Variants in CLNK observed in about 807,000 individuals in gnomAD.
CLNK encodes cytokine-dependent hematopoietic cell linker.
In CLNK, 74 loss-of-function variants were observed where a neutral mutation model predicts 68.6. The observed-to-expected ratio is 1.08, with a 90% CI of 0.89 to 1.31. The LOEUF (loss-of-function observed/expected upper bound fraction) is 1.31, where lower values mean the gene tolerates loss of function less well. Ranked by LOEUF, CLNK falls within the 50% of genes most tolerant of loss-of-function variation. The probability of loss-of-function intolerance (pLI) is 0.00; values close to 1 mark genes in which losing one functional copy is unlikely to be tolerated. For synonymous variants in CLNK, 198 were observed against 172.2 expected (o/e 1.15, Z -1.17); for missense variants, 553 against 515.3 (o/e 1.07, Z -0.71).
At chr4:10,533,562 T>G (rs1259625749) in intron 11 of CLNK, among the ~76,000 whole-genome samples, 1 of 152,220 alleles carries the variant, frequency 6.6e-6, no homozygotes, top group African/African-American at 2.4e-5. Flanking sequence ...AACAGGCAAC[T>G]GTACCAAGGT....
the CLNK span, among the ~76,000 whole-genome samples, chr4:10,711,992 G>A: frequency 7.2e-5 from 11 of 152,120 alleles, no homozygotes; most frequent in East Asian, 1.3e-3. Flanking sequence ...TGGATATCGC[G>A]TTTCAAAGGA....
At chr4:10,492,348 C>G (rs1019138642) in intron 18 of CLNK, among the ~76,000 whole-genome samples, 2 of 152,150 alleles carry the variant, frequency 1.3e-5, no homozygotes, top group African/African-American at 4.8e-5. Context: ...TACTCTGCCT[C>G]TGATTTGGTT....
At chr4:10,493,627 C>G (rs1716685643) in intron 18 of CLNK, among the ~76,000 whole-genome samples, 1 of 152,170 alleles carries the variant, frequency 6.6e-6, no homozygotes, top group Non-Finnish European at 1.5e-5. Flanking sequence ...TGGAGGAATA[C>G]AAACATTCAG....
chr4:10,621,361 T>C (rs141704638), intron 2 of CLNK, among the ~76,000 whole-genome samples: 9 of 152,322 alleles, frequency 5.9e-5, no homozygotes, highest in African/African-American at 2.2e-4. Flanking sequence ...GGAAGATAGC[T>C]GACATGTATT....
chr4:10,557,901 C>T (rs533345914), intron 8 of CLNK, among the ~76,000 whole-genome samples: 2 of 152,166 alleles, frequency 1.3e-5, no homozygotes, highest in South Asian at 4.1e-4. Context: ...ATAATGGATA[C>T]AATACCATTA....
chr4:10,654,681 A>G (rs145425409), intron 2 of CLNK, among the ~76,000 whole-genome samples: 4 of 152,210 alleles, frequency 2.6e-5, no homozygotes, highest in African/African-American at 4.8e-5. Context: ...GATTATTCGA[A>G]TTGATAAAAC....
chr4:10,552,464 G>C (rs563652197), intron 8 of CLNK, among the ~76,000 whole-genome samples: 23 of 152,034 alleles, frequency 1.5e-4, no homozygotes, highest in South Asian at 6.2e-4. Context: ...ATTGTAGATC[G>C]GCCTTTGGAG....
intron 2 of CLNK, among the ~76,000 whole-genome samples, chr4:10,645,932 A>G (rs754852841): frequency 2.6e-5 from 4 of 152,172 alleles, no homozygotes; most frequent in Non-Finnish European, 5.9e-5. Flanking sequence ...CTATTTATGT[A>G]TCCAAGTAGA....
At position 10,667,390 on chromosome 4, in the gene CLNK, A is replaced by C. The variant is rs1472504567; in HGVS notation, c.11+469T>G. Among the ~76,000 whole-genome samples, 3 of 54,704 alleles carry C rather than the reference A, an allele frequency of 5.5e-5. No individual in the cohort carries two copies. In the Admixed American group the frequency reaches 5.9e-4, roughly 11 times the overall value. 35.9% of individuals were successfully genotyped at this position (54,704 alleles called of 152,430 possible). Reference sequence around the variant, plus strand: ...TCCTGCTAATTTTTTTTTTTTTTTTACTATACTATAGACATCAGGGATGGC... The same window carrying C: ...TCCTGCTAATTTTTTTTTTTTTTTTCCTATACTATAGACATCAGGGATGGC... On this transcript the variant is annotated intron_variant, in intron 2 of 18. Coordinates refer to ENST00000226951, the MANE Select transcript of CLNK (RefSeq NM_052964.4).
At chr4:10,644,799 T>G (rs927082372) in intron 2 of CLNK, among the ~76,000 whole-genome samples, 3 of 152,238 alleles carry the variant, frequency 2.0e-5, no homozygotes, top group Non-Finnish European at 4.4e-5. Context: ...TTGAGTGAAG[T>G]CAGTTTTTCT....
intron 1 of CLNK, among the ~76,000 whole-genome samples, chr4:10,682,072 T>C (rs960526217): frequency 1.3e-5 from 2 of 151,806 alleles, no homozygotes; most frequent in Non-Finnish European, 2.9e-5. Flanking sequence ...AAAAAATAAA[T>C]AATAAACACA....
chr4:10,670,559 A>G (rs555603724), intron 1 of CLNK, among the ~76,000 whole-genome samples: 4 of 152,368 alleles, frequency 2.6e-5, no homozygotes, highest in Non-Finnish European at 4.4e-5. Context: ...AAGGTGGCCA[A>G]TGAAGCTGCT....
At chr4:10,691,148 T>C in the CLNK span, among the ~76,000 whole-genome samples, 1 of 152,184 alleles carries the variant, frequency 6.6e-6, no homozygotes, top group East Asian at 1.9e-4. Context: ...AGAATTAGCT[T>C]TGGGGGTCTA....
chr4:10,503,642 C>T (rs927333458), intron 17 of CLNK, among the ~76,000 whole-genome samples: 15 of 148,578 alleles, frequency 1.0e-4, no homozygotes, highest in Admixed American at 2.0e-4. Context: ...TATAATATAA[C>T]ATAACAATAC....
intron 3 of CLNK, among the ~76,000 whole-genome samples, chr4:10,592,238 C>T (rs1316529251): frequency 2.0e-5 from 3 of 152,126 alleles, no homozygotes; most frequent in Non-Finnish European, 4.4e-5. Context: ...GGGCAGAAAA[C>T]ATGTCTATAT....
chr4:10,642,497 G>A (rs887082460), intron 2 of CLNK, among the ~76,000 whole-genome samples: 11 of 152,090 alleles, frequency 7.2e-5, no homozygotes, highest in Non-Finnish European at 1.6e-4. Context: ...TAGGCAGAGT[G>A]GACCATAAGG....
chr4:10,510,757 T>C (rs190568757), intron 16 of CLNK, among the ~76,000 whole-genome samples: 2 of 152,348 alleles, frequency 1.3e-5, no homozygotes, highest in African/African-American at 4.8e-5. Flanking sequence ...AAGCCCTCTA[T>C]CTATCAGTGA....
intron 2 of CLNK, among the ~76,000 whole-genome samples, chr4:10,624,593 G>GTTTTTTTTTTTTTTTTTTTTT: frequency 8.1e-6 from 1 of 122,888 alleles, no homozygotes; most frequent in Non-Finnish European, 1.7e-5. Context: ...CGCCCGGCCA[G>GTTTTTTTTTTTTTTTTTTTTT]TTTTTTTTTT....
At chr4:10,496,955 ATC>A (rs1480502357) in intron 18 of CLNK, among the ~76,000 whole-genome samples, 6 of 152,020 alleles carry the variant, frequency 3.9e-5, no homozygotes, top group African/African-American at 1.2e-4. Context: ...TTTTCGATAA[ATC>A]TCTGTTTTTG....
Sources: gnomAD v4.1 joint callset for allele counts (sites outside exome capture counted in the v4.1 genomes callset) on GRCh38, gnomAD v4.1.1 for gene constraint, MANE v1.5 for transcripts, NCBI Gene and HGNC (gene_info 2026-07-23, HGNC 2026-07-21) for gene names.